The following GNE variants were observed in gnomAD, a reference collection of about 807,000 sequenced individuals.
GNE encodes bifunctional UDP-N-acetylglucosamine 2-epimerase/N-acetylmannosamine kinase.
A neutral mutation model predicts 61.8 loss-of-function variants in GNE; 41 were observed. That is an observed-to-expected ratio of 0.66 (90% CI 0.52 to 0.86). The LOEUF (loss-of-function observed/expected upper bound fraction) is 0.86, where lower values mean the gene tolerates loss of function less well. Among genes scored for constraint, GNE ranks in the 40% least tolerant of loss-of-function variants. The pLI is 0.00. For synonymous variants in GNE, 264 were observed against 326.4 expected (o/e 0.81, Z 2.06); for missense variants, 608 against 909.1 (o/e 0.67, Z 4.26).
intron 7 of GNE, among the ~76,000 whole-genome samples, chr9:36,226,024 C>G (rs1316076044): frequency 3.9e-5 from 6 of 152,140 alleles, no homozygotes; most frequent in Non-Finnish European, 8.8e-5. Flanking sequence ...CTCATAACTT[C>G]CAAAATTATG....
upstream of GNE, among the ~76,000 whole-genome samples, chr9:36,261,711 G>A (rs954543871): frequency 6.6e-6 from 1 of 151,978 alleles, no homozygotes; most frequent in African/African-American, 2.4e-5. Flanking sequence ...ACGAGGTCAG[G>A]AGATCAAGAC....
intron 3 of GNE, 88 bp from the exon 4 acceptor site, chr9:36,237,072 C>A: frequency 9.5e-7 from 1 of 1,057,888 alleles, no homozygotes; most frequent in South Asian, 1.3e-5. Flanking sequence ...GACTCTAAGT[C>A]TGTGCTTTTA....
chr9:36,272,242 T>C (rs1831054963), intron 1 of GNE, among the ~76,000 whole-genome samples: 1 of 152,188 alleles, frequency 6.6e-6, no homozygotes, highest in Non-Finnish European at 1.5e-5. Flanking sequence ...TGCATGATGT[T>C]ATGCTAAGGA....
At chr9:36,217,660 G>A in intron 11 of GNE, 60 bp from the exon 12 acceptor site, 1 of 1,038,308 alleles carries the variant, frequency 9.6e-7, no homozygotes, top group Non-Finnish European at 1.5e-6. Context: ...AAATACCAAA[G>A]AGGAAGGCAG....
At chr9:36,265,157 G>T in intron 1 of GNE, 1 of 301,744 alleles carries the variant, frequency 3.3e-6, no homozygotes, top group Non-Finnish European at 6.6e-6. Context: ...GTTCCTGCAC[G>T]GCAAGTGCCT....
Position 36,229,111 on chromosome 9 carries a change from A to G in GNE, c.983-3T>C. 6.5e-7 allele frequency: 1 copy of G among 1,548,092 alleles called. No homozygotes were observed. The highest frequency in any genetic ancestry group is 8.9e-7 in the Non-Finnish European group (1 of 1,119,866). ...CCGGACATGAAGAACATTCTCCCCT[A>G]GGTAAAACCAGTGACACATTACAAG... On this transcript the variant is annotated splice_polypyrimidine_tract_variant and splice_region_variant and intron_variant, in intron 5 of 11. Coordinates refer to ENST00000642385, the MANE Select transcript of GNE (RefSeq NM_005476.7).
In GNE at chr9:36,253,506, G is replaced by T. The variant is rs141999746; in HGVS notation, c.-42-4109C>A. On this transcript the variant is annotated intron_variant, in intron 1 of 11. Coordinates refer to ENST00000642385, the MANE Select transcript of GNE (RefSeq NM_005476.7). ...TTGTCCAGGCCAGTCTCAAACTCCT[G>T]ACCTCACATGATCCACCCACCTCGG... is the stretch of plus-strand genomic sequence containing the variant. 7.3e-3 allele frequency among the ~76,000 whole-genome samples: 1,108 copies of T among 151,328 alleles called. 2 individuals carry two copies. The highest frequency in any genetic ancestry group is 0.012 in the Non-Finnish European group (795 of 67,838).
intron 1 of GNE, among the ~76,000 whole-genome samples, chr9:36,269,653 C>A: frequency 8.8e-6 from 1 of 114,074 alleles, no homozygotes; most frequent in African/African-American, 3.5e-5. Context: ...GTTGGGTTTT[C>A]TTTCTTCTTT....
rs187295630 is a variant in GNE at position 36,252,278 on chromosome 9, C to T, written c.-42-2881G>A. The stretch of plus-strand genomic sequence containing the variant: ...GGGATTACAGGCATGAGCCACCGCA[C>T]GTGGCCGCACTATCTAATCTTTAAA... On this transcript the variant is annotated intron_variant, in intron 1 of 11. Coordinates refer to ENST00000642385, the MANE Select transcript of GNE (RefSeq NM_005476.7). Among the ~76,000 whole-genome samples the T allele has an allele frequency of 6.1e-3, 928 of 152,246 alleles. 11 individuals carry two copies. The highest frequency in any genetic ancestry group is 0.021 in the African/African-American group (856 of 41,550).
chr9:36,247,420 C>T (rs1011105805), intron 2 of GNE, among the ~76,000 whole-genome samples: 17 of 152,062 alleles, frequency 1.1e-4, no homozygotes, highest in Admixed American at 9.8e-4. Flanking sequence ...CCCAGTCATC[C>T]AATTCTTCTC....
chr9:36,236,994 G>C lies in GNE; in HGVS notation c.617-10C>G, dbSNP rs1198717617. On this transcript the variant is annotated splice_polypyrimidine_tract_variant and intron_variant, in intron 3 of 11. Coordinates refer to ENST00000642385, the MANE Select transcript of GNE (RefSeq NM_005476.7). ...GATTTTACATCATCACCTGTTTAAA[G>C]AAAATCAAACCACATTGCTTCATTA... The C allele has an allele frequency of 6.2e-7, 1 of 1,605,140 alleles. No homozygotes were observed. The highest frequency in any genetic ancestry group is 8.5e-7 in the Non-Finnish European group (1 of 1,172,424).
At chr9:36,230,127 A>G (rs1483676213) in intron 5 of GNE, among the ~76,000 whole-genome samples, 2 of 151,938 alleles carry the variant, frequency 1.3e-5, no homozygotes, top group Non-Finnish European at 2.9e-5. Flanking sequence ...TTGTATTTTT[A>G]GAGATGGCGT....
intron 7 of GNE, among the ~76,000 whole-genome samples, chr9:36,225,872 A>T (rs1473500050): frequency 1.3e-5 from 2 of 152,130 alleles, no homozygotes; most frequent in African/African-American, 4.8e-5. Context: ...GCTTTTAACG[A>T]AGAGCGATGC....
chr9:36,267,916 T>A (rs1361708511), intron 1 of GNE: 3 of 151,924 alleles, frequency 2.0e-5, no homozygotes, highest in Non-Finnish European at 4.4e-5. Context: ...TTTGTGATCA[T>A]TTGAGTCTAG....
Position 36,217,216 on chromosome 9 carries a change from AGAG to A in GNE, c.*146_*148del, listed in dbSNP as rs1396175684. On this transcript the variant is annotated 3_prime_UTR_variant, in exon 12 of 12. Transcript: ENST00000642385. ...AGGAGTGGGGAAAGGTGACTCTGGA[AGAG>A]GAGACCAAAAGTGAAAACATTTCTC... The A allele has an allele frequency of 2.7e-4, 188 of 692,350 alleles. 2 individuals are homozygous for A. Among genetic ancestry groups the A allele is most frequent in the East Asian group, 2.3e-3 (84 of 37,100 alleles). The allele number at this position is 692,350 out of a possible 1,614,324, so 42.9% of individuals were successfully genotyped here.
At chr9:36,258,261 G>T in intron 1 of GNE, 60 bp downstream of exon 1, 1 of 930,322 alleles carries the variant, frequency 1.1e-6, no homozygotes, top group Non-Finnish European at 1.3e-6. Context: ...GCCGGGGGAG[G>T]CGGCCCTGGG....
At chr9:36,273,304 C>T (rs1445968463) in intron 1 of GNE, among the ~76,000 whole-genome samples, 1 of 151,134 alleles carries the variant, frequency 6.6e-6, no homozygotes, top group Non-Finnish European at 1.5e-5. Context: ...GCAACCTCCG[C>T]CTCCTGGGTT....
intron 7 of GNE, among the ~76,000 whole-genome samples, chr9:36,223,775 G>A (rs1828722967): frequency 6.7e-6 from 1 of 148,184 alleles, no homozygotes; most frequent in Non-Finnish European, 1.5e-5. Flanking sequence ...TTTTTGAGAT[G>A]GCCTCTCGCT....
intron 11 of GNE, 83 bp from the exon 12 acceptor site, chr9:36,217,683 A>T: frequency 1.2e-6 from 1 of 838,808 alleles, no homozygotes; most frequent in Non-Finnish European, 2.0e-6. Flanking sequence ...AAGAGCCAGC[A>T]GCAGAAATGT....
Sources: gnomAD v4.1 joint callset for allele counts (sites outside exome capture counted in the v4.1 genomes callset) on GRCh38, gnomAD v4.1.1 for gene constraint, MANE v1.5 for transcripts, NCBI Gene and HGNC (gene_info 2026-07-23, HGNC 2026-07-21) for gene names.